EPHA7: variants seen among roughly 807,000 people sequenced by gnomAD.
EPHA7 encodes ephrin type-A receptor 7.
EPHA7 carries 25 observed loss-of-function variants against 112.6 expected under a neutral mutation model. The ratio of observed to expected loss-of-function variants is 0.22; its 90% confidence interval spans 0.16 to 0.31. EPHA7 has a LOEUF of 0.31. EPHA7 is among the 10% of genes least tolerant of loss of function. EPHA7 has a pLI of 1.00. For missense variants in EPHA7, 962 were observed against 1,212.6 expected, an observed-to-expected ratio of 0.79 and a Z score of 3.07; for synonymous variants, 437 against 406.5, an observed-to-expected ratio of 1.07 and a Z score of -0.90.
At chr6:93,409,178 G>A (rs996861407) in intron 3 of EPHA7, among the ~76,000 whole-genome samples, 1 of 151,892 alleles carries the variant, frequency 6.6e-6, no homozygotes, top group Non-Finnish European at 1.5e-5. Flanking sequence ...ATTTTATGGG[G>A]AAGTAATCCA....
At chr6:93,296,204 G>A (rs1413425975) in intron 5 of EPHA7, among the ~76,000 whole-genome samples, 1 of 150,042 alleles carries the variant, frequency 6.7e-6, no homozygotes, top group Admixed American at 6.7e-5. Flanking sequence ...ACAGATCGCT[G>A]CAGCCATTAT....
rs1778948352 is a variant in EPHA7 at position 93,410,967 on chromosome 6, T to C, written c.366A>G (p.Thr122=). 6.2e-7 allele frequency: 1 copy of C among 1,613,926 alleles called. No individual in the cohort carries two copies. The change falls in exon 3 of 17, where the codon ACA becomes ACG. Residue 122 remains threonine (T), a synonymous_variant. Transcript: ENST00000369303. The surrounding 1 kb of genome is among the most constrained non-coding windows in gnomAD (Gnocchi z 4.0). The part of the protein sequence containing the change: ...LPGVLGTCKE[T]FNLYYYETDY... Reference sequence around the variant, plus strand: ...CTGTTTCATAATAGTACAAATTAAATGTTTCCTTGCAAGTTCCCAGTACTC... The same window carrying C: ...CTGTTTCATAATAGTACAAATTAAACGTTTCCTTGCAAGTTCCCAGTACTC...
chr6:93,344,001 T>A (rs990038486), intron 5 of EPHA7, among the ~76,000 whole-genome samples: 16 of 151,656 alleles, frequency 1.1e-4, no homozygotes, highest in African/African-American at 3.6e-4. Context: ...ATACTGCACA[T>A]AGCAAAAATA....
intron 5 of EPHA7, among the ~76,000 whole-genome samples, chr6:93,313,042 C>G (rs1282578615): frequency 6.6e-6 from 1 of 151,874 alleles, no homozygotes; most frequent in Non-Finnish European, 1.5e-5. Context: ...GATCACAGAT[C>G]ACTATGAAAA....
chr6:93,378,228 G>A, intron 3 of EPHA7, among the ~76,000 whole-genome samples: 1 of 152,070 alleles, frequency 6.6e-6, no homozygotes, highest in Admixed American at 6.6e-5. Flanking sequence ...ACAAGTGGAA[G>A]AGAGGCAAAG....
At chr6:93,313,067 A>T (rs1773622990) in intron 5 of EPHA7, among the ~76,000 whole-genome samples, 1 of 151,798 alleles carries the variant, frequency 6.6e-6, no homozygotes, top group Non-Finnish European at 1.5e-5. Flanking sequence ...AATAATAATA[A>T]AAAAAATGAA....
intron 5 of EPHA7, among the ~76,000 whole-genome samples, chr6:93,324,902 A>G (rs1300484892): frequency 6.6e-6 from 1 of 151,482 alleles, no homozygotes; most frequent in Non-Finnish European, 1.5e-5. Flanking sequence ...TGTAGAGGGC[A>G]GAAGGGATAT....
intron 1 of EPHA7, among the ~76,000 whole-genome samples, chr6:93,418,799 C>T (rs1289072580): frequency 1.3e-5 from 2 of 152,168 alleles, no homozygotes; most frequent in Non-Finnish European, 2.9e-5. Flanking sequence ...CGCCGGCGGG[C>T]TGGCGGAGAC....
intron 3 of EPHA7, among the ~76,000 whole-genome samples, chr6:93,403,351 G>T (rs559648240): frequency 9.2e-6 from 1 of 109,136 alleles, no homozygotes; most frequent in East Asian, 2.6e-4. Flanking sequence ...GTATCATGGC[G>T]GGTAGGTAAA....
rs781132763 is a variant in EPHA7, at chr6:93,294,185, A to T, written c.1325-21763T>A. Among the ~76,000 whole-genome samples, 21 of 152,198 alleles carry T rather than the reference A, an allele frequency of 1.4e-4. 1 individual carries two copies. The highest frequency in any genetic ancestry group is 2.2e-4 in the Non-Finnish European group (15 of 68,024). On this transcript the variant is annotated intron_variant, in intron 5 of 16. Coordinates refer to ENST00000369303, the MANE Select transcript of EPHA7 (RefSeq NM_004440.4). ...AGAAGATGTCAACCTCAAGGATGTT[A>T]GCTATGGAAAAAGTCTTAATACACT...
intron 14 of EPHA7, among the ~76,000 whole-genome samples, chr6:93,251,390 A>T (rs1582390553): frequency 6.6e-6 from 1 of 151,802 alleles, no homozygotes; most frequent in Non-Finnish European, 1.5e-5. Context: ...AAAAGCTTAA[A>T]TTTTTTAACA....
intron 3 of EPHA7, among the ~76,000 whole-genome samples, chr6:93,371,422 A>G (rs566970534): frequency 2.2e-4 from 34 of 152,318 alleles, no homozygotes; most frequent in African/African-American, 7.9e-4. Flanking sequence ...ATATGCAAAT[A>G]CTATATATGC....
At chr6:93,394,798 T>C (rs1333795133) in intron 3 of EPHA7, among the ~76,000 whole-genome samples, 1 of 151,806 alleles carries the variant, frequency 6.6e-6, no homozygotes, top group African/African-American at 2.4e-5. Context: ...AAATCTACCG[T>C]GTCAGATAAT....
intron 3 of EPHA7, among the ~76,000 whole-genome samples, chr6:93,374,366 A>G (rs1776948854): frequency 6.6e-6 from 1 of 152,136 alleles, no homozygotes; most frequent in Non-Finnish European, 1.5e-5. Flanking sequence ...TCTCTCTATC[A>G]TCTATCTGTC....
Position 93,242,606 on chromosome 6 carries a change from ATTCT to A in EPHA7, c.*816_*819del, listed in dbSNP as rs1769737274. 4.6e-6 allele frequency: 1 copy of A among 215,628 alleles called. No individual in the cohort carries two copies. The highest frequency in any genetic ancestry group is 2.3e-5 in the African/African-American group (1 of 44,440). 13.4% of individuals were successfully genotyped at this position (215,628 alleles called of 1,614,324 possible). On this transcript the variant is annotated 3_prime_UTR_variant, in exon 17 of 17. Transcript: ENST00000369303. The stretch of plus-strand genomic sequence containing the variant: ...TAAACCTAAACTTCGAGTTTATTAA[ATTCT>A]TTCTAGTAAAATCACTCTATAAACA...
chr6:93,320,480 A>T (rs1323917082), intron 5 of EPHA7, among the ~76,000 whole-genome samples: 1 of 152,038 alleles, frequency 6.6e-6, no homozygotes, highest in Non-Finnish European at 1.5e-5. Flanking sequence ...TTAGCAGAAA[A>T]TGATTTGTAG....
intron 5 of EPHA7, among the ~76,000 whole-genome samples, chr6:93,317,457 T>A (rs183656365): frequency 6.6e-6 from 1 of 152,284 alleles, no homozygotes; most frequent in African/African-American, 2.4e-5. Context: ...ATGGCCTTGG[T>A]ATTTTTACAT....
chr6:93,320,682 G>T (rs973102424), intron 5 of EPHA7, among the ~76,000 whole-genome samples: 1 of 151,862 alleles, frequency 6.6e-6, no homozygotes, highest in Admixed American at 6.6e-5. Flanking sequence ...TCATAATAAA[G>T]AAATTTATTG....
chr6:93,255,688 A>G, intron 13 of EPHA7, 140 bp downstream of exon 13: 1 of 700,396 alleles, frequency 1.4e-6, no homozygotes, highest in Non-Finnish European at 2.3e-6. Flanking sequence ...AACAAAAAAC[A>G]AAAAACAAAA....
Sources: gnomAD v4.1 joint callset for allele counts (sites outside exome capture counted in the v4.1 genomes callset) on GRCh38, gnomAD v4.1.1 for gene constraint, Gnocchi (gnomAD v3.1) non-coding constraint, MANE v1.5 for transcripts, NCBI Gene and HGNC (gene_info 2026-07-23, HGNC 2026-07-21) for gene names.